Variants in PDE4D observed in about 807,000 individuals in gnomAD.
PDE4D encodes 3',5'-cyclic-AMP phosphodiesterase 4D.
Under a neutral mutation model 87.4 loss-of-function variants are expected in PDE4D, and 24 were observed. The observed-to-expected ratio is 0.27, with a 90% CI of 0.20 to 0.39. PDE4D has a LOEUF of 0.39. Ranked by LOEUF, PDE4D falls within the 10% of genes least tolerant of loss-of-function variation. The pLI, the probability that PDE4D is intolerant of heterozygous loss-of-function variation, is 1.00. For synonymous variants in PDE4D, 384 were observed against 383.2 expected, an observed-to-expected ratio of 1.00 and a Z score of -0.02; for missense variants, 714 against 1,041.0, an observed-to-expected ratio of 0.69 and a Z score of 4.32.
intron 1 of PDE4D, among the ~76,000 whole-genome samples, chr5:59,565,006 T>G (rs902610634): frequency 6.6e-6 from 1 of 152,042 alleles, no homozygotes; most frequent in Non-Finnish European, 1.5e-5. Flanking sequence ...GGACAAAGGT[T>G]GATGAATGAA....
chr5:59,957,615 A>T (rs1280846733), intron 3 of PDE4D, among the ~76,000 whole-genome samples: 1 of 152,110 alleles, frequency 6.6e-6, no homozygotes, highest in Non-Finnish European at 1.5e-5. Flanking sequence ...CATAATAATT[A>T]TAATTATGTA....
intron 1 of PDE4D, among the ~76,000 whole-genome samples, chr5:59,729,506 A>T (rs2150595445): frequency 6.6e-6 from 1 of 152,266 alleles, no homozygotes; most frequent in African/African-American, 2.4e-5. Context: ...CACCTGGCAA[A>T]CTAAAAGTAG....
At chr5:60,473,870 C>T (rs1328267704) in intron 1 of PDE4D, among the ~76,000 whole-genome samples, 5 of 151,322 alleles carry the variant, frequency 3.3e-5, no homozygotes, top group Admixed American at 1.3e-4. Flanking sequence ...CCCCAGCCCC[C>T]GCCCGCCGCA....
At chr5:60,472,390 C>A (rs1747880479) in intron 1 of PDE4D, among the ~76,000 whole-genome samples, 1 of 152,148 alleles carries the variant, frequency 6.6e-6, no homozygotes, top group African/African-American at 2.4e-5. Flanking sequence ...TTGATCACTG[C>A]CATAAGCTGC....
intron 1 of PDE4D, among the ~76,000 whole-genome samples, chr5:60,238,391 G>A (rs1222927763): frequency 1.3e-5 from 2 of 151,688 alleles, no homozygotes; most frequent in Non-Finnish European, 2.9e-5. Context: ...CATGTCCCCT[G>A]GCAAACACAT....
At chr5:59,603,930 ATG>A (rs539222747) in intron 1 of PDE4D, among the ~76,000 whole-genome samples, 3 of 152,060 alleles carry the variant, frequency 2.0e-5, no homozygotes, top group Non-Finnish European at 4.4e-5. Context: ...AAAAATAACC[ATG>A]TGAGTTAATG....
At chr5:59,147,183 G>C (rs1778793207) in intron 5 of PDE4D, among the ~76,000 whole-genome samples, 1 of 152,060 alleles carries the variant, frequency 6.6e-6, no homozygotes, top group Admixed American at 6.5e-5. Context: ...AAAAGGTTGG[G>C]GACCACTGCT....
chr5:60,111,169 A>G (rs1346334785), intron 2 of PDE4D, among the ~76,000 whole-genome samples: 1 of 152,044 alleles, frequency 6.6e-6, no homozygotes, highest in East Asian at 1.9e-4. Flanking sequence ...TCAATGTTCA[A>G]AACACAAAGA....
intron 1 of PDE4D, among the ~76,000 whole-genome samples, chr5:59,782,047 A>G (rs1764692719): frequency 6.6e-6 from 1 of 152,158 alleles, no homozygotes; most frequent in African/African-American, 2.4e-5. Context: ...AGTATGTGTT[A>G]TGTTTTTCAG....
chr5:59,878,067 CA>C (rs1424363668), intron 1 of PDE4D, among the ~76,000 whole-genome samples: 13 of 151,980 alleles, frequency 8.6e-5, no homozygotes, highest in Admixed American at 2.6e-4. Context: ...GAGGGCAGAA[CA>C]GGGGAAGGAG....
Position 58,974,756 on chromosome 5 carries a change from G to A in PDE4D, c.2338C>T (p.Leu780Phe), listed in dbSNP as rs375840888. ...TQDSESTEIP[L>F]DEQVEEEAVG... ...GCCTCCTCTTCAACCTGTTCATCAAGGGGAATTTCAGTAGACTCTGAGTCT... is the reference window on the plus strand; with the variant it reads ...GCCTCCTCTTCAACCTGTTCATCAAAGGGAATTTCAGTAGACTCTGAGTCT... The change falls in exon 15 of 15, where the codon CTT becomes TTT. Residue 780 changes from leucine (L) to phenylalanine (F), a missense_variant. Physicochemically the swap from Leu to Phe is conservative, Grantham distance 22. Coordinates refer to ENST00000340635, the MANE Select transcript of PDE4D (RefSeq NM_001104631.2). The A allele has an allele frequency of 5.0e-6, 8 of 1,613,478 alleles. No individual in the cohort carries two copies. The African/African-American group carries it at 8.0e-5, about 16-fold the overall frequency.
intron 1 of PDE4D, among the ~76,000 whole-genome samples, chr5:60,300,848 G>A (rs1354113392): frequency 1.3e-5 from 2 of 151,566 alleles, no homozygotes; most frequent in African/African-American, 4.9e-5. Flanking sequence ...TCTCAGCTCT[G>A]CAACCTCCAC....
chr5:59,388,626 T>TATAC (rs1787580593), intron 1 of PDE4D, among the ~76,000 whole-genome samples: 2 of 148,214 alleles, frequency 1.3e-5, no homozygotes, highest in Non-Finnish European at 3.0e-5. Context: ...GAAAATGTGG[T>TATAC]ACACACACAC....
At chr5:59,649,101 T>C (rs947427463) in intron 1 of PDE4D, among the ~76,000 whole-genome samples, 5 of 152,154 alleles carry the variant, frequency 3.3e-5, no homozygotes, top group African/African-American at 4.8e-5. Flanking sequence ...GGGCACAACC[T>C]GAAAACAGGG....
intron 5 of PDE4D, among the ~76,000 whole-genome samples, chr5:59,058,669 G>A (rs1762690797): frequency 1.3e-5 from 2 of 151,958 alleles, no homozygotes; most frequent in Admixed American, 6.6e-5. Context: ...ACCCTCTACC[G>A]GGGGCTTTCC....
At chr5:59,001,667 C>T (rs1750564450) in intron 6 of PDE4D, among the ~76,000 whole-genome samples, 1 of 152,188 alleles carries the variant, frequency 6.6e-6, no homozygotes, top group African/African-American at 2.4e-5. Flanking sequence ...TTTCCCTAGG[C>T]CCACAATCTT....
At chr5:59,983,313 T>C (rs1487625024) in intron 3 of PDE4D, among the ~76,000 whole-genome samples, 2 of 152,144 alleles carry the variant, frequency 1.3e-5, no homozygotes, top group Non-Finnish European at 2.9e-5. Context: ...TTTCCCCTTA[T>C]TAAGGTGGGT....
chr5:59,048,096 C>T (rs892240952), intron 5 of PDE4D, among the ~76,000 whole-genome samples: 9 of 152,152 alleles, frequency 5.9e-5, no homozygotes, highest in Admixed American at 2.6e-4. Flanking sequence ...CACAGGTTTG[C>T]GCTAAGATAA....
At chr5:59,263,540 T>A (rs1762374401) in intron 1 of PDE4D, among the ~76,000 whole-genome samples, 1 of 151,936 alleles carries the variant, frequency 6.6e-6, no homozygotes, top group Non-Finnish European at 1.5e-5. Flanking sequence ...AATGCTCAAA[T>A]AGTCATATAT....
Sources: gnomAD v4.1 joint callset for allele counts (sites outside exome capture counted in the v4.1 genomes callset) on GRCh38, gnomAD v4.1.1 for gene constraint, MANE v1.5 for transcripts, NCBI Gene and HGNC (gene_info 2026-07-23, HGNC 2026-07-21) for gene names.